PCDH15: variants seen among roughly 807,000 people sequenced by gnomAD.
The protein encoded by PCDH15 is protocadherin-15.
A neutral mutation model predicts 178.5 loss-of-function variants in PCDH15; 129 were observed. The observed-to-expected ratio is 0.72, with a 90% CI of 0.63 to 0.84. PCDH15 has a LOEUF of 0.84. PCDH15 is among the 40% of genes least tolerant of loss of function. The pLI is 0.00. For missense variants in PCDH15, 2,230 were observed against 2,099.9 expected (o/e 1.06, Z -1.21); for synonymous variants, 800 against 732.0 (o/e 1.09, Z -1.50).
At chr10:54,721,453 G>T (rs1013520720) in intron 1 of PCDH15, among the ~76,000 whole-genome samples, 1 of 151,804 alleles carries the variant, frequency 6.6e-6, no homozygotes, top group Non-Finnish European at 1.5e-5. Context: ...TCTTTGAAAG[G>T]ATAAACAAAA....
intron 2 of PCDH15, among the ~76,000 whole-genome samples, chr10:55,557,113 C>T (rs1197082547): frequency 6.6e-6 from 1 of 152,062 alleles, no homozygotes; most frequent in Non-Finnish European, 1.5e-5. Flanking sequence ...TATAGCCAAA[C>T]TTATCTATCT....
At chr10:54,265,833 C>A (rs926197047) in intron 8 of PCDH15, among the ~76,000 whole-genome samples, 3 of 151,950 alleles carry the variant, frequency 2.0e-5, no homozygotes, top group Non-Finnish European at 2.9e-5. Context: ...TAACTGGGGA[C>A]TTCTACACCC....
At chr10:55,266,329 C>A (rs184545530) in intron 1 of PCDH15, among the ~76,000 whole-genome samples, 547 of 152,194 alleles carry the variant, frequency 3.6e-3, no homozygotes, top group Non-Finnish European at 6.0e-3. Context: ...CACTGCTGTT[C>A]TCCCCAAAAC....
intron 2 of PCDH15, among the ~76,000 whole-genome samples, chr10:54,960,124 C>T (rs1313798699): frequency 6.6e-6 from 1 of 152,054 alleles, no homozygotes; most frequent in Non-Finnish European, 1.5e-5. Context: ...TAATAGAATG[C>T]TTGAATATGA....
chr10:53,896,846 T>C (rs962885052), intron 26 of PCDH15, among the ~76,000 whole-genome samples: 3 of 152,282 alleles, frequency 2.0e-5, no homozygotes, highest in South Asian at 2.1e-4. Flanking sequence ...TCACTGTCTC[T>C]CATCACACCC....
At chr10:54,394,772 C>G (rs1211699581) in intron 3 of PCDH15, among the ~76,000 whole-genome samples, 2 of 152,126 alleles carry the variant, frequency 1.3e-5, no homozygotes, top group African/African-American at 4.8e-5. Flanking sequence ...ATCCCTGCAG[C>G]CTCAACCCTA....
intron 2 of PCDH15, among the ~76,000 whole-genome samples, chr10:55,537,237 A>AG (rs1841598348): frequency 6.6e-6 from 1 of 152,160 alleles, no homozygotes; most frequent in Non-Finnish European, 1.5e-5. Flanking sequence ...TATCCCTAAT[A>AG]TGTTTTCACA....
chr10:54,453,185 G>A (rs1020554147), intron 3 of PCDH15, among the ~76,000 whole-genome samples: 2 of 152,010 alleles, frequency 1.3e-5, no homozygotes, highest in Admixed American at 6.6e-5. Context: ...AAAACATGCT[G>A]CTATAAAGAC....
At chr10:55,300,126 T>C (rs1843236551) in intron 1 of PCDH15, among the ~76,000 whole-genome samples, 1 of 152,212 alleles carries the variant, frequency 6.6e-6, no homozygotes, top group Non-Finnish European at 1.5e-5. Context: ...GACTACATTT[T>C]ACCACTTCCA....
At chr10:55,504,641 C>T (rs1840724171) in intron 2 of PCDH15, among the ~76,000 whole-genome samples, 1 of 150,756 alleles carries the variant, frequency 6.6e-6, no homozygotes, top group Non-Finnish European at 1.5e-5. Flanking sequence ...AAAAATTCAC[C>T]CAAATACATA....
chr10:53,910,503 G>C (rs2083005290), intron 25 of PCDH15, among the ~76,000 whole-genome samples: 1 of 152,134 alleles, frequency 6.6e-6, no homozygotes, highest in African/African-American at 2.4e-5. Context: ...AACCCCATCT[G>C]TACGTCACCA....
At chr10:54,114,274 C>T (rs372918614) in intron 15 of PCDH15, among the ~76,000 whole-genome samples, 70 of 152,258 alleles carry the variant, frequency 4.6e-4, no homozygotes, top group South Asian at 3.9e-3. Context: ...CTACATAACA[C>T]TAAGTCCTCA....
intron 1 of PCDH15, among the ~76,000 whole-genome samples, chr10:54,768,471 C>A (rs1046204605): frequency 6.6e-6 from 1 of 152,068 alleles, no homozygotes; most frequent in African/African-American, 2.4e-5. Flanking sequence ...TATTTAGGAA[C>A]ATAGTTCAAG....
intron 15 of PCDH15, among the ~76,000 whole-genome samples, chr10:54,100,089 C>T (rs1405821183): frequency 1.3e-5 from 2 of 152,042 alleles, no homozygotes; most frequent in Non-Finnish European, 2.9e-5. Context: ...GCTCAGTGGT[C>T]GGGCATGGTG....
At chr10:54,938,321 A>T in intron 2 of PCDH15, among the ~76,000 whole-genome samples, 1 of 147,938 alleles carries the variant, frequency 6.8e-6, no homozygotes, top group South Asian at 2.2e-4. Context: ...TTATATGTTG[A>T]TGGATGTAGT....
At chr10:54,570,659 T>C (rs942442030) in intron 2 of PCDH15, among the ~76,000 whole-genome samples, 3 of 152,108 alleles carry the variant, frequency 2.0e-5, no homozygotes, top group Admixed American at 6.5e-5. Flanking sequence ...CCATTTTTTT[T>C]CCTTTCTTTT....
chr10:54,007,011 A>T (rs1409508428), intron 20 of PCDH15, among the ~76,000 whole-genome samples: 1 of 152,300 alleles, frequency 6.6e-6, no homozygotes, highest in East Asian at 1.9e-4. Context: ...GAGCAAAATG[A>T]CTTGGGTCAT....
chr10:54,994,872 T>C (rs1839597126), intron 2 of PCDH15, among the ~76,000 whole-genome samples: 1 of 152,200 alleles, frequency 6.6e-6, no homozygotes, highest in African/African-American at 2.4e-5. Flanking sequence ...CTACAGATTA[T>C]ATGTGATAAA....
At chr10:55,572,192 C>G (rs1842418408) in intron 2 of PCDH15, among the ~76,000 whole-genome samples, 1 of 151,730 alleles carries the variant, frequency 6.6e-6, no homozygotes. Flanking sequence ...GAGAAGTTTT[C>G]TGGTTTCTTT....
Sources: allele counts gnomAD v4.1 joint callset (sites outside exome capture counted in the v4.1 genomes callset), GRCh38; gene constraint gnomAD v4.1.1; transcripts MANE v1.5; gene names NCBI Gene and HGNC (gene_info 2026-07-23, HGNC 2026-07-21).